ANKRD44: variants seen among roughly 807,000 people sequenced by gnomAD.
The protein encoded by ANKRD44 is serine/threonine-protein phosphatase 6 regulatory ankyrin repeat subunit B.
ANKRD44 carries 35 observed loss-of-function variants against 116.0 expected under a neutral mutation model. The ratio of observed to expected loss-of-function variants is 0.30; its 90% confidence interval spans 0.23 to 0.40. ANKRD44 has a LOEUF of 0.40. ANKRD44 is among the 10% of genes least tolerant of loss of function. The pLI is 1.00. For missense variants in ANKRD44, 1,014 were observed against 1,242.6 expected (o/e 0.82, Z 2.77); for synonymous variants, 435 against 461.8 (o/e 0.94, Z 0.74).
intron 4 of ANKRD44, among the ~76,000 whole-genome samples, chr2:197,129,784 C>G (rs1477532323): frequency 2.6e-5 from 4 of 152,162 alleles, no homozygotes; most frequent in Non-Finnish European, 5.9e-5. Context: ...AACTATCATC[C>G]TTAATATTTG....
chr2:197,020,086 G>A (rs2076468502), intron 17 of ANKRD44, among the ~76,000 whole-genome samples: 1 of 152,164 alleles, frequency 6.6e-6, no homozygotes, highest in South Asian at 2.1e-4. Context: ...AAAGTGCTGA[G>A]ATTACAGGCG....
Position 197,310,729 on chromosome 2 carries a change from C to G in ANKRD44, c.-125G>C, listed in dbSNP as rs1366320127. ...AATCTGGCTCCCGAATTTGACAGCC[C>G]TCCCCCTGCTCCTCCTCCGCCGCCG... is the stretch of plus-strand genomic sequence containing the variant. On this transcript the variant is annotated 5_prime_UTR_variant, in exon 1 of 28. Transcript: ENST00000282272. The G allele has an allele frequency of 7.1e-6, 7 of 979,716 alleles. No homozygotes were observed. In the East Asian group the frequency reaches 4.2e-4, roughly 59 times the overall value. 60.7% of individuals were successfully genotyped at this position (979,716 alleles called of 1,614,324 possible).
At chr2:197,256,846 ACTC>A (rs1405928106) in intron 1 of ANKRD44, among the ~76,000 whole-genome samples, 1 of 152,036 alleles carries the variant, frequency 6.6e-6, no homozygotes, top group Admixed American at 6.6e-5. Flanking sequence ...ACTTCCATGT[ACTC>A]CCAGTAAATT....
chr2:197,038,938 T>A (rs1206673441), intron 16 of ANKRD44, among the ~76,000 whole-genome samples: 4 of 152,154 alleles, frequency 2.6e-5, no homozygotes, highest in Non-Finnish European at 4.4e-5. Flanking sequence ...CAGAAGCCAT[T>A]CCAAATGTGA....
intron 1 of ANKRD44, among the ~76,000 whole-genome samples, chr2:197,284,896 A>C (rs909569434): frequency 3.3e-5 from 5 of 151,788 alleles, no homozygotes; most frequent in African/African-American, 4.8e-5. Flanking sequence ...AAAAAAAAAA[A>C]AATTAAATTT....
intron 2 of ANKRD44, among the ~76,000 whole-genome samples, chr2:197,182,970 G>C (rs1192626902): frequency 1.3e-5 from 2 of 152,120 alleles, no homozygotes; most frequent in African/African-American, 2.4e-5. Context: ...AAGGAAGTGA[G>C]AAGTAGGACA....
chr2:196,995,558 G>A (rs1368636016), intron 25 of ANKRD44, 97 bp from the exon 26 acceptor site: 3 of 922,120 alleles, frequency 3.3e-6, no homozygotes, highest in Middle Eastern at 3.3e-4. Context: ...AATGAATGTC[G>A]TCTGCCTAAG....
intron 9 of ANKRD44, among the ~76,000 whole-genome samples, chr2:197,102,507 G>A (rs1043141936): frequency 1.3e-5 from 2 of 151,994 alleles, no homozygotes; most frequent in Non-Finnish European, 1.5e-5. Flanking sequence ...GGTGAGAGCT[G>A]GTATCTCTCT....
At chr2:196,983,142 A>G (rs2125866370), downstream of ANKRD44, among the ~76,000 whole-genome samples, 1 of 152,226 alleles carries the variant, frequency 6.6e-6, no homozygotes, top group African/African-American at 2.4e-5. Flanking sequence ...ATGTATACCT[A>G]TGTAACAATT....
intron 8 of ANKRD44, among the ~76,000 whole-genome samples, chr2:197,113,320 C>T (rs943526988): frequency 1.3e-5 from 2 of 152,156 alleles, no homozygotes; most frequent in Admixed American, 6.5e-5. Flanking sequence ...TAAAACACCC[C>T]CTTCCAATTA....
chr2:197,136,349 G>A (rs2079215898), intron 4 of ANKRD44: 1 of 544,014 alleles, frequency 1.8e-6, no homozygotes. Context: ...TCCCCAGGCT[G>A]AGAACTCATT....
At chr2:197,253,489 TTAA>T (rs1330952564) in intron 1 of ANKRD44, among the ~76,000 whole-genome samples, 2 of 152,194 alleles carry the variant, frequency 1.3e-5, no homozygotes, top group African/African-American at 2.4e-5. Flanking sequence ...AGTAGGTGGT[TTAA>T]TAATGTCTTC....
intron 2 of ANKRD44, among the ~76,000 whole-genome samples, chr2:197,182,865 C>T (rs1466306496): frequency 6.6e-6 from 1 of 152,140 alleles, no homozygotes; most frequent in Non-Finnish European, 1.5e-5. Flanking sequence ...AAGCAGTAGT[C>T]AACAGTGATT....
intron 23 of ANKRD44, 55 bp from the exon 24 acceptor site, chr2:196,999,107 G>A: frequency 6.3e-7 from 1 of 1,589,578 alleles, no homozygotes; most frequent in Middle Eastern, 1.8e-4. Flanking sequence ...ATTCTCGCTA[G>A]TTACTGCCCA....
At position 197,009,034 on chromosome 2, in the gene ANKRD44, G is replaced by T; in HGVS notation, c.1925-3C>A. ...ACACAGTGTGTGACCATTAATTACT[G>T]AAAAAGAAAACAGTGGACAGTCTTT... On this transcript the variant is annotated splice_polypyrimidine_tract_variant and splice_region_variant and intron_variant, in intron 18 of 27. Transcript: ENST00000282272. The T allele has an allele frequency of 6.2e-7, 1 of 1,612,640 alleles. No individual in the cohort carries two copies. The highest frequency in any genetic ancestry group is 1.1e-5 in the South Asian group (1 of 91,036).
chr2:196,977,905 G>A (rs1453305416), intron 21 of ANKRD44, among the ~76,000 whole-genome samples: 3 of 152,096 alleles, frequency 2.0e-5, no homozygotes, highest in Non-Finnish European at 4.4e-5. Context: ...GTACACAAAT[G>A]TTTATAGCAG....
chr2:197,065,939 C>T lies in ANKRD44; in HGVS notation c.1650+12764G>A, dbSNP rs543490319. On this transcript the variant is annotated intron_variant, in intron 16 of 27. Coordinates refer to ENST00000282272, the MANE Select transcript of ANKRD44 (RefSeq NM_001195144.2). ...AAGGAATCCTCCCTAACTCATTTTACGAGGCCAGCATCATCCTGATACCAA... is the reference window on the plus strand; with the variant it reads ...AAGGAATCCTCCCTAACTCATTTTATGAGGCCAGCATCATCCTGATACCAA... 8.5e-5 allele frequency among the ~76,000 whole-genome samples: 13 copies of T among 152,244 alleles called. No individual in the cohort carries two copies. In the East Asian group the frequency reaches 9.6e-4, roughly 11 times the overall value.
chr2:197,213,690 G>T (rs532950049), intron 1 of ANKRD44, among the ~76,000 whole-genome samples: 5 of 152,304 alleles, frequency 3.3e-5, no homozygotes, highest in East Asian at 1.9e-4. Context: ...CCTGTACACT[G>T]CTAAGCTCCT....
intron 21 of ANKRD44, among the ~76,000 whole-genome samples, chr2:196,969,451 G>GA (rs895457419): frequency 1.7e-4 from 26 of 148,980 alleles, no homozygotes; most frequent in South Asian, 1.3e-3. Context: ...TTCCACTCCA[G>GA]AAAAAAAAAA....
Sources: allele counts gnomAD v4.1 joint callset (sites outside exome capture counted in the v4.1 genomes callset), GRCh38; gene constraint gnomAD v4.1.1; transcripts MANE v1.5; gene names NCBI Gene and HGNC (gene_info 2026-07-23, HGNC 2026-07-21).